The following PPP3CA variants were observed in gnomAD, a reference collection of about 807,000 sequenced individuals.
PPP3CA encodes CAM-PRP catalytic subunit.
Under a neutral mutation model 66.5 loss-of-function variants are expected in PPP3CA, and 14 were observed. That is an observed-to-expected ratio of 0.21 (90% CI 0.14 to 0.33). The LOEUF (loss-of-function observed/expected upper bound fraction) is 0.33, where lower values mean the gene tolerates loss of function less well. PPP3CA is among the 10% of genes least tolerant of loss of function. The pLI is 1.00. For synonymous variants in PPP3CA, 232 were observed against 226.2 expected (o/e 1.03, Z -0.23); for missense variants, 317 against 639.5 (o/e 0.50, Z 5.44).
intron 10 of PPP3CA, among the ~76,000 whole-genome samples, chr4:101,040,795 T>C (rs1047079752): frequency 1.3e-5 from 2 of 152,116 alleles, no homozygotes; most frequent in Non-Finnish European, 2.9e-5. Context: ...ACTTTCGAGA[T>C]ATCCAGAGGG....
rs549631351 is a variant in PPP3CA, at chr4:101,235,030, A to G, written c.59-38914T>C. ...GTATTTCAATCATATATATATACAC[A>G]CTACTAGTGAGTGAATCAGATAGGT... On this transcript the variant is annotated intron_variant, in intron 1 of 13. Coordinates refer to ENST00000394854, the MANE Select transcript of PPP3CA (RefSeq NM_000944.5). Among the ~76,000 whole-genome samples the G allele has an allele frequency of 7.7e-4, 117 of 151,884 alleles. 2 individuals carry two copies. The highest frequency in any genetic ancestry group is 2.7e-3 in the African/African-American group (110 of 41,500).
rs1242064629 is a variant in PPP3CA, at chr4:101,326,015, TG to T, written c.58+20723del. 2.0e-5 allele frequency among the ~76,000 whole-genome samples: 3 copies of T among 152,238 alleles called. No homozygotes were observed. The East Asian group carries it at 5.8e-4, about 29-fold the overall frequency. The stretch of plus-strand genomic sequence containing the variant: ...TTAGCCAGGTGGGGTCGCATGTGCC[TG>T]TAGTCCCAGCTACTCAGAAGGCTGA... On this transcript the variant is annotated intron_variant, in intron 1 of 13. Coordinates refer to ENST00000394854, the MANE Select transcript of PPP3CA (RefSeq NM_000944.5).
rs1047331424 is a variant in PPP3CA, at chr4:101,176,496, T to C, written c.259+19420A>G. ...TAGTTCAGCACTTTCCAGCTGTGAG[T>C]GGCAGTGCCTGACTGCTCCAAGCCT... On this transcript the variant is annotated intron_variant, in intron 2 of 13. Coordinates refer to ENST00000394854, the MANE Select transcript of PPP3CA (RefSeq NM_000944.5). 1.8e-4 allele frequency among the ~76,000 whole-genome samples: 27 copies of C among 152,246 alleles called. 1 individual carries two copies. Among genetic ancestry groups the C allele is most frequent in the African/African-American group, 6.3e-4 (26 of 41,570 alleles).
At chr4:101,064,022 A>T (rs1388197955) in intron 8 of PPP3CA, among the ~76,000 whole-genome samples, 1 of 151,992 alleles carries the variant, frequency 6.6e-6, no homozygotes, top group Non-Finnish European at 1.5e-5. Context: ...ATAATCTATT[A>T]TCGTTAACTA....
intron 2 of PPP3CA, among the ~76,000 whole-genome samples, chr4:101,115,082 T>C (rs1045091013): frequency 1.3e-5 from 2 of 151,994 alleles, no homozygotes; most frequent in Non-Finnish European, 2.9e-5. Flanking sequence ...AGGACTTTAC[T>C]CACTATAGAT....
At chr4:101,261,508 A>G (rs1709784816) in intron 1 of PPP3CA, among the ~76,000 whole-genome samples, 1 of 152,112 alleles carries the variant, frequency 6.6e-6, no homozygotes, top group Admixed American at 6.6e-5. Context: ...TTTAAAAGAC[A>G]TTTTCCAAAC....
chr4:101,202,361 G>C (rs1385141988), intron 1 of PPP3CA, among the ~76,000 whole-genome samples: 1 of 152,114 alleles, frequency 6.6e-6, no homozygotes, highest in East Asian at 1.9e-4. Context: ...AGAGTAAAGA[G>C]ATATGTAAGT....
chr4:101,160,377 G>A, intron 2 of PPP3CA, among the ~76,000 whole-genome samples: 1 of 152,088 alleles, frequency 6.6e-6, no homozygotes, highest in Non-Finnish European at 1.5e-5. Context: ...ATCTGAAGAA[G>A]CAGGAAAATG....
chr4:101,347,287 A>T lies in PPP3CA; in HGVS notation c.-491T>A, dbSNP rs1438239151. Reference sequence around the variant, plus strand: ...CGCCGATGTCAGTGCCACCAGCCGCACCTTGGCGTCCCCGGCGGCGGAGAG... The same window carrying T: ...CGCCGATGTCAGTGCCACCAGCCGCTCCTTGGCGTCCCCGGCGGCGGAGAG... On this transcript the variant is annotated 5_prime_UTR_variant, in exon 1 of 14. Coordinates refer to ENST00000394854, the MANE Select transcript of PPP3CA (RefSeq NM_000944.5). 4.8e-6 allele frequency: 1 copy of T among 206,928 alleles called. No homozygotes were observed. The highest frequency in any genetic ancestry group is 9.4e-6 in the Non-Finnish European group (1 of 106,722). The allele number at this position is 206,928 out of a possible 1,614,324, so 12.8% of individuals were successfully genotyped here.
intron 1 of PPP3CA, among the ~76,000 whole-genome samples, chr4:101,300,018 A>G (rs1728326648): frequency 6.6e-6 from 1 of 152,238 alleles, no homozygotes; most frequent in African/African-American, 2.4e-5. Flanking sequence ...AATTAAAACA[A>G]TATAATAGCC....
intron 1 of PPP3CA, among the ~76,000 whole-genome samples, chr4:101,243,286 T>C (rs1197325815): frequency 1.3e-5 from 2 of 152,172 alleles, no homozygotes; most frequent in African/African-American, 2.4e-5. Flanking sequence ...TATCCTCACA[T>C]AGTGCATACT....
rs186476440 is a variant in PPP3CA at position 101,167,192 on chromosome 4, A to G, written c.259+28724T>C. 2.5e-3 allele frequency among the ~76,000 whole-genome samples: 379 copies of G among 152,276 alleles called. 4 individuals are homozygous for G. The highest frequency in any genetic ancestry group is 8.5e-3 in the African/African-American group (355 of 41,550). Reference sequence around the variant, plus strand: ...CTGTAAATGCCCATTATTAGGGGAGATAATCTTTAGACAGCAATAGGGATG... The same window carrying G: ...CTGTAAATGCCCATTATTAGGGGAGGTAATCTTTAGACAGCAATAGGGATG... On this transcript the variant is annotated intron_variant, in intron 2 of 13. Transcript: ENST00000394854.
At position 101,338,378 on chromosome 4, in the gene PPP3CA, G is replaced by A. The variant is rs535632436; in HGVS notation, c.58+8361C>T. 1.7e-4 allele frequency among the ~76,000 whole-genome samples: 26 copies of A among 152,308 alleles called. No individual in the cohort carries two copies. In the East Asian group the frequency reaches 3.1e-3, roughly 18 times the overall value. ...CATCAGACATTTGTGTACTGATCAC[G>A]ATTTAAGATTGACAAAATTTCAAAA... On this transcript the variant is annotated intron_variant, in intron 1 of 13. Transcript: ENST00000394854.
intron 1 of PPP3CA, among the ~76,000 whole-genome samples, chr4:101,259,833 G>T (rs1001855966): frequency 6.6e-6 from 1 of 152,074 alleles, no homozygotes; most frequent in Admixed American, 6.6e-5. Flanking sequence ...CTCTTACACT[G>T]GTATATTGTG....
At chr4:101,236,021 T>C in intron 1 of PPP3CA, among the ~76,000 whole-genome samples, 1 of 146,958 alleles carries the variant, frequency 6.8e-6, no homozygotes, top group East Asian at 2.0e-4. Context: ...AAACACTGAC[T>C]GCCAAGCTCT....
intron 2 of PPP3CA, among the ~76,000 whole-genome samples, chr4:101,160,407 T>C (rs1723466450): frequency 6.6e-6 from 1 of 152,150 alleles, no homozygotes; most frequent in Non-Finnish European, 1.5e-5. Context: ...ATTTCTTTAG[T>C]TTCCTCAAAC....
intron 1 of PPP3CA, among the ~76,000 whole-genome samples, chr4:101,340,461 T>C (rs1170850807): frequency 2.0e-5 from 3 of 152,170 alleles, no homozygotes; most frequent in Non-Finnish European, 2.9e-5. Flanking sequence ...GAGTGCATAT[T>C]TGTTAAAACG....
chr4:101,220,435 A>C (rs1240638307), intron 1 of PPP3CA, among the ~76,000 whole-genome samples: 1 of 151,682 alleles, frequency 6.6e-6, no homozygotes, highest in Non-Finnish European at 1.5e-5. Flanking sequence ...ATCAAACTAA[A>C]ATGTCTCTCA....
intron 2 of PPP3CA, among the ~76,000 whole-genome samples, chr4:101,126,507 T>C (rs1397795224): frequency 6.6e-6 from 1 of 152,146 alleles, no homozygotes; most frequent in African/African-American, 2.4e-5. Context: ...ATTTCAGAGA[T>C]TATTGCTTCT....
Sources: gnomAD v4.1 joint callset for allele counts (sites outside exome capture counted in the v4.1 genomes callset) on GRCh38, gnomAD v4.1.1 for gene constraint, MANE v1.5 for transcripts, NCBI Gene and HGNC (gene_info 2026-07-23, HGNC 2026-07-21) for gene names.